The following PRKN variants were observed in gnomAD, a reference collection of about 807,000 sequenced individuals.
PRKN encodes parkin RBR E3 ubiquitin protein ligase, also known as E3 ubiquitin-protein ligase parkin.
Under a neutral mutation model 59.5 loss-of-function variants are expected in PRKN, and 56 were observed. The ratio of observed to expected loss-of-function variants is 0.94; its 90% CI spans 0.76 to 1.18. The LOEUF (loss-of-function observed/expected upper bound fraction) is 1.18, where lower values mean the gene tolerates loss of function less well. Among genes scored for constraint, PRKN ranks in the 50% most tolerant of loss-of-function variants. The pLI is 0.00. For missense variants in PRKN, 657 were observed against 596.4 expected (o/e 1.10, Z -1.06); for synonymous variants, 250 against 222.1 (o/e 1.13, Z -1.12).
chr6:161,766,674 G>C (rs1183399986), intron 7 of PRKN, among the ~76,000 whole-genome samples: 2 of 152,184 alleles, frequency 1.3e-5, no homozygotes, highest in African/African-American at 4.8e-5. Flanking sequence ...TGAGATGCTA[G>C]TGTGTCTTGC....
chr6:162,384,114 T>G (rs1786650288), intron 2 of PRKN, among the ~76,000 whole-genome samples: 2 of 152,200 alleles, frequency 1.3e-5, no homozygotes, highest in Admixed American at 6.5e-5. Flanking sequence ...ATTCATATTA[T>G]TTATGTGTTC....
intron 9 of PRKN, among the ~76,000 whole-genome samples, chr6:161,521,390 T>C (rs980916798): frequency 2.0e-5 from 3 of 152,208 alleles, no homozygotes; most frequent in African/African-American, 7.2e-5. Context: ...AGAAATCCCA[T>C]TGTGTTAAAG....
intron 3 of PRKN, among the ~76,000 whole-genome samples, chr6:162,239,169 C>T (rs564550460): frequency 3.3e-5 from 5 of 152,044 alleles, no homozygotes; most frequent in East Asian, 1.9e-4. Context: ...TGTAGTAATA[C>T]GTCTCTATGG....
chr6:161,975,189 C>T (rs960648175), intron 5 of PRKN, among the ~76,000 whole-genome samples: 1 of 151,622 alleles, frequency 6.6e-6, no homozygotes, highest in African/African-American at 2.4e-5. Context: ...GGGCTCACGC[C>T]ATTCTCCTGC....
intron 3 of PRKN, among the ~76,000 whole-genome samples, chr6:162,203,457 A>G (rs1421895530): frequency 6.6e-6 from 1 of 152,182 alleles, no homozygotes; most frequent in Middle Eastern, 3.2e-3. Context: ...CAGCTGGGGC[A>G]TCAGGTAAAT....
chr6:162,274,011 C>G (rs57127701), intron 2 of PRKN, among the ~76,000 whole-genome samples: 1 of 151,962 alleles, frequency 6.6e-6, no homozygotes, highest in African/African-American at 2.4e-5. Flanking sequence ...ATTAGAGGAA[C>G]TGAAAAATTA....
intron 4 of PRKN, among the ~76,000 whole-genome samples, chr6:162,169,601 A>G (rs1184847978): frequency 6.6e-6 from 1 of 152,220 alleles, no homozygotes; most frequent in Non-Finnish European, 1.5e-5. Context: ...ATGAAAATAC[A>G]CACGATATGC....
intron 1 of PRKN, among the ~76,000 whole-genome samples, chr6:162,686,879 C>G (rs1188191739): frequency 6.6e-6 from 1 of 152,138 alleles, no homozygotes; most frequent in Non-Finnish European, 1.5e-5. Context: ...ATCTATGTAT[C>G]TATTTTTATA....
intron 5 of PRKN, among the ~76,000 whole-genome samples, chr6:162,016,939 C>T (rs974459776): frequency 4.6e-5 from 7 of 152,108 alleles, no homozygotes; most frequent in African/African-American, 1.4e-4. Context: ...CGAAACCTCA[C>T]ACACGCGGCT....
chr6:161,679,596 A>C (rs1582992514), intron 7 of PRKN, among the ~76,000 whole-genome samples: 2 of 131,150 alleles, frequency 1.5e-5, no homozygotes, highest in African/African-American at 2.9e-5. Context: ...CAACCTAGAC[A>C]TCTCTAGACA....
intron 6 of PRKN, among the ~76,000 whole-genome samples, chr6:161,948,614 A>G (rs1406144017): frequency 6.6e-6 from 1 of 152,228 alleles, no homozygotes; most frequent in Non-Finnish European, 1.5e-5. Context: ...AAAATCAGAT[A>G]AACAGAGACC....
chr6:162,645,950 C>G lies in PRKN; in HGVS notation c.7+81712G>C, dbSNP rs1359055675. 2.0e-5 allele frequency among the ~76,000 whole-genome samples: 3 copies of G among 147,538 alleles called. No individual in the cohort carries two copies. In the East Asian group the frequency reaches 6.2e-4, roughly 30 times the overall value. On this transcript the variant is annotated intron_variant, in intron 1 of 11. Transcript: ENST00000366898. Reference sequence around the variant, plus strand: ...AGTGCAGTGGCAAGATCTCAGCTCACTGCAAGCTCCACCTCCTGGGTTCAT... The same window carrying G: ...AGTGCAGTGGCAAGATCTCAGCTCAGTGCAAGCTCCACCTCCTGGGTTCAT...
intron 3 of PRKN, among the ~76,000 whole-genome samples, chr6:162,202,187 A>G (rs1018996211): frequency 6.6e-6 from 1 of 152,140 alleles, no homozygotes; most frequent in Non-Finnish European, 1.5e-5. Flanking sequence ...CATCAGAGGC[A>G]CCTAGAGATA....
At chr6:161,664,537 GA>G (rs35692927) in intron 7 of PRKN, among the ~76,000 whole-genome samples, 60,020 of 151,806 alleles carry the variant, frequency 0.4, 13,147 homozygotes, top group Non-Finnish European at 0.49. Context: ...AGCCAGATGG[GA>G]AAAAATCCTA....
At chr6:162,604,695 TCC>T (rs1192261932) in intron 1 of PRKN, among the ~76,000 whole-genome samples, 1 of 126,000 alleles carries the variant, frequency 7.9e-6, no homozygotes, top group Non-Finnish European at 1.6e-5. Context: ...TCTTTCTCTC[TCC>T]TTTTTTTTTT....
intron 4 of PRKN, among the ~76,000 whole-genome samples, chr6:162,086,730 A>T (rs927137854): frequency 5.9e-5 from 9 of 152,194 alleles, no homozygotes; most frequent in Non-Finnish European, 8.8e-5. Context: ...AGCTCTTCAA[A>T]TACTTCTCCT....
chr6:161,677,302 T>G (rs997300151), intron 7 of PRKN, among the ~76,000 whole-genome samples: 2 of 146,406 alleles, frequency 1.4e-5, no homozygotes, highest in South Asian at 2.3e-4. Flanking sequence ...GTGAGGGGGG[T>G]GAAGATGGGG....
At chr6:161,838,810 C>T (rs558859593) in intron 6 of PRKN, among the ~76,000 whole-genome samples, 2 of 152,324 alleles carry the variant, frequency 1.3e-5, no homozygotes, top group East Asian at 3.9e-4. Context: ...TGAGCTCGCC[C>T]TGCGCCAGGG....
chr6:162,597,177 C>G (rs1436014760), intron 1 of PRKN, among the ~76,000 whole-genome samples: 1 of 152,096 alleles, frequency 6.6e-6, no homozygotes, highest in Non-Finnish European at 1.5e-5. Context: ...ACAAAAGATA[C>G]AATGTTACCT....
Sources: allele counts gnomAD v4.1 joint callset (sites outside exome capture counted in the v4.1 genomes callset), GRCh38; gene constraint gnomAD v4.1.1; transcripts MANE v1.5; gene names NCBI Gene and HGNC (gene_info 2026-07-23, HGNC 2026-07-21).